HMCN1: variants seen among roughly 807,000 people sequenced by gnomAD.
The protein encoded by HMCN1 is hemicentin 1.
In HMCN1, 321 loss-of-function variants were observed where a neutral mutation model predicts 625.9. That is an observed-to-expected ratio of 0.51 (90% CI 0.47 to 0.56). HMCN1 has a LOEUF of 0.56. HMCN1 is among the 20% of genes least tolerant of loss of function. HMCN1 has a pLI of 0.00. For missense variants in HMCN1, 6,588 were observed against 6,887.3 expected (o/e 0.96, Z 1.54); for synonymous variants, 2,425 against 2,417.6 (o/e 1.00, Z -0.09).
chr1:185,980,568 A>G (rs560279993), intron 16 of HMCN1, among the ~76,000 whole-genome samples: 7 of 152,080 alleles, frequency 4.6e-5, no homozygotes, highest in African/African-American at 1.7e-4. Context: ...CAACTAAAAA[A>G]TCTCCCCTGC....
intron 22 of HMCN1, 52 bp from the exon 23 acceptor site, chr1:185,993,130 G>A (rs1652545774): frequency 6.4e-7 from 1 of 1,554,032 alleles, no homozygotes; most frequent in Non-Finnish European, 8.9e-7. Flanking sequence ...CTGCATAGGG[G>A]ATATTTAAAT....
chr1:186,165,319 A>G, intron 98 of HMCN1, 146 bp downstream of exon 98: 1 of 782,362 alleles, frequency 1.3e-6, no homozygotes, highest in Admixed American at 2.2e-5. Flanking sequence ...AAGGAAATTG[A>G]GATGTAGAAA....
intron 1 of HMCN1, among the ~76,000 whole-genome samples, chr1:185,764,250 T>A (rs1655715077): frequency 6.6e-6 from 1 of 152,214 alleles, no homozygotes; most frequent in African/African-American, 2.4e-5. Flanking sequence ...AGAAAAAAGA[T>A]GTGCATGTTG....
In HMCN1 at chr1:185,756,921, T is replaced by C. The variant is rs1311103212; in HGVS notation, c.268+21874T>C. Among the ~76,000 whole-genome samples the C allele has an allele frequency of 2.0e-5, 3 of 152,210 alleles. No homozygotes were observed. In the East Asian group the frequency reaches 5.8e-4, roughly 29 times the overall value. On this transcript the variant is annotated intron_variant, in intron 1 of 106. Coordinates refer to ENST00000271588, the MANE Select transcript of HMCN1 (RefSeq NM_031935.3). ...TCCACATGATAACCATGGCAGTCTT[T>C]TAAAAATTGCATCATCTGTAAATTA...
chr1:186,187,838 C>G, intron 105 of HMCN1, 45 bp from the exon 106 acceptor site: 2 of 1,612,858 alleles, frequency 1.2e-6, no homozygotes, highest in Non-Finnish European at 1.7e-6. Context: ...ATGGCCTTCT[C>G]TCACCCTCAC....
intron 1 of HMCN1, among the ~76,000 whole-genome samples, chr1:185,840,360 A>T (rs1043143719): frequency 2.0e-5 from 3 of 152,176 alleles, no homozygotes; most frequent in Admixed American, 1.3e-4. Context: ...AGGACATTAT[A>T]ATTGATTTGT....
chr1:185,932,787 C>T (rs1438038853), intron 10 of HMCN1, among the ~76,000 whole-genome samples: 5 of 152,002 alleles, frequency 3.3e-5, no homozygotes, highest in South Asian at 2.1e-4. Flanking sequence ...CCATGGCACA[C>T]GTATACCTAT....
chr1:185,916,139 A>G (rs1666688989), intron 6 of HMCN1, among the ~76,000 whole-genome samples: 1 of 152,038 alleles, frequency 6.6e-6, no homozygotes, highest in African/African-American at 2.4e-5. Flanking sequence ...ACATTTCTCC[A>G]AATGCATAAT....
At chr1:186,107,749 C>T (rs1660678769) in intron 70 of HMCN1, among the ~76,000 whole-genome samples, 1 of 151,832 alleles carries the variant, frequency 6.6e-6, no homozygotes, top group African/African-American at 2.4e-5. Context: ...TCTGTAAGTG[C>T]ACTTGCTTGG....
chr1:186,023,097 G>A lies in HMCN1; in HGVS notation c.5693G>A (p.Cys1898Tyr). 6.2e-7 allele frequency: 1 copy of A among 1,613,408 alleles called. No homozygotes were observed. The highest frequency in any genetic ancestry group is 1.3e-5 in the African/African-American group (1 of 75,002). The change falls in exon 36 of 107, where the codon TGT becomes TAT. Residue 1898 changes from cysteine to tyrosine, a missense_variant. Around this residue, in one of 3 missense-constraint regions of HMCN1, gnomAD observed 4,628 missense variants for 4,853.1 expected, o/e 0.95. Transcript: ENST00000271588. ...TTGGAAGATGCTGGCAGATACACAT[G>A]TGTGGCTACCAACGCAGCTGGAGAA... ...TLLEDAGRYT[C>Y]VATNAAGETQ... is the part of the protein sequence containing the mutation.
rs1658948470 is a variant in HMCN1 at position 186,078,234 on chromosome 1, T to C, written c.8599+14T>C. 2 of 1,544,618 alleles carry C rather than the reference T, an allele frequency of 1.3e-6. No individual in the cohort carries two copies. Among genetic ancestry groups the C allele is most frequent in the African/African-American group, 1.4e-5 (1 of 73,402 alleles). ...TCCGTGTACTCGGTGAGTTTTTCTT[T>C]TGTTTATTGTTCATTCTTTTACTGA... On this transcript the variant is annotated intron_variant, in intron 55 of 106. Coordinates refer to ENST00000271588, the MANE Select transcript of HMCN1 (RefSeq NM_031935.3).
At chr1:185,882,219 A>G (rs1353149312) in intron 4 of HMCN1, among the ~76,000 whole-genome samples, 1 of 152,190 alleles carries the variant, frequency 6.6e-6, no homozygotes, top group African/African-American at 2.4e-5. Context: ...TAGACTTTAC[A>G]GATACTCATT....
chr1:186,065,422 T>C lies in HMCN1; in HGVS notation c.7698T>C (p.Asn2566=), dbSNP rs947783270. 2 of 1,600,954 alleles carry C rather than the reference T, an allele frequency of 1.2e-6. No individual in the cohort carries two copies. The highest frequency in any genetic ancestry group is 2.2e-5 in the South Asian group (2 of 90,000). ...AGHKSRSFSL[N]VFVSPTIAGV... is the part of the protein sequence containing the mutation. ...ACAAGAGCAGGAGCTTCAGTCTTAA[T>C]GTATTTGGTAGGTGTGGGCTTTTCT... Residue 2566 remains asparagine (N), a synonymous_variant, in exon 49 of 107, where the codon AAT becomes AAC. Transcript: ENST00000271588.
intron 30 of HMCN1, among the ~76,000 whole-genome samples, chr1:186,010,632 T>C (rs1006116148): frequency 6.6e-6 from 1 of 152,226 alleles, no homozygotes; most frequent in Non-Finnish European, 1.5e-5. Context: ...TAGGCATTTA[T>C]AGATTAACAT....
In HMCN1 at chr1:186,166,946, T is replaced by C. The variant is rs766554940; in HGVS notation, c.15574+4T>C. On this transcript the variant is annotated splice_donor_region_variant and intron_variant, in intron 100 of 106. Transcript: ENST00000271588. Reference sequence around the variant, plus strand: ...TCTGATGGGCTGAGTTGTCAAGGTATAAAAATGGAGGCCTTTTCTTTATGT... The same window carrying C: ...TCTGATGGGCTGAGTTGTCAAGGTACAAAAATGGAGGCCTTTTCTTTATGT... The C allele has an allele frequency of 3.7e-6, 6 of 1,613,956 alleles. No homozygotes were observed. The highest frequency in any genetic ancestry group is 1.6e-4 in the Middle Eastern group (1 of 6,082).
At chr1:186,005,064 TTGTTTATAAA>T (rs1191426926) in intron 29 of HMCN1, among the ~76,000 whole-genome samples, 1 of 152,026 alleles carries the variant, frequency 6.6e-6, no homozygotes, top group African/African-American at 2.4e-5. Context: ...ATAAACATTT[TTGTTTATAAA>T]TGTTTATAAA....
chr1:186,137,933 G>A lies in HMCN1; in HGVS notation c.13885G>A (p.Ala4629Thr), dbSNP rs774423771. 4.8e-5 allele frequency: 77 copies of A among 1,613,910 alleles called. 1 individual carries two copies. Among genetic ancestry groups the A allele is most frequent in the Non-Finnish European group, 6.4e-5 (76 of 1,179,952 alleles). ...QHGGRPCEGNAVEIIMCNIRP... is the reference protein window; with the variant it reads ...QHGGRPCEGNTVEIIMCNIRP... ...TGGTGGGCGGCCATGTGAAGGGAAT[G>A]CTGTGGAAATAATTATGTGCAACAT... The change falls in exon 89 of 107, where the codon GCT becomes ACT. Residue 4629 changes from alanine to threonine, a missense_variant. By Grantham distance (58) the Ala-to-Thr change is moderately conservative (BLOSUM62 0). This residue lies in a region of HMCN1 where 1,954 missense variants were observed against 2,013.1 expected (regional missense o/e 0.97). Coordinates refer to ENST00000271588, the MANE Select transcript of HMCN1 (RefSeq NM_031935.3).
rs147958633 is a variant in HMCN1 at position 186,109,327 on chromosome 1, C to T, written c.10989+730C>T. 3.0e-3 allele frequency among the ~76,000 whole-genome samples: 452 copies of T among 152,278 alleles called. 12 individuals are homozygous for T. In the South Asian group the frequency reaches 0.042, roughly 14 times the overall value. ...AGACTACCACCACCACCAAACCACACAAACACCAAACATGGAGAGGCCAGG... is the reference window on the plus strand; with the variant it reads ...AGACTACCACCACCACCAAACCACATAAACACCAAACATGGAGAGGCCAGG... On this transcript the variant is annotated intron_variant, in intron 71 of 106. Transcript: ENST00000271588.
In HMCN1 at chr1:186,087,615, T is replaced by C. The variant is rs763500316; in HGVS notation, c.9333T>C (p.Asp3111=). 2 of 1,613,270 alleles carry C rather than the reference T, an allele frequency of 1.2e-6. No homozygotes were observed. Among genetic ancestry groups the C allele is most frequent in the Admixed American group, 3.3e-5 (2 of 59,936 alleles). Residue 3111 remains aspartate, a synonymous_variant, in exon 60 of 107, where the codon GAT becomes GAC. Coordinates refer to ENST00000271588, the MANE Select transcript of HMCN1 (RefSeq NM_031935.3). The stretch of plus-strand genomic sequence containing the variant: ...CTACTCATGTGGAGATTTTAGCTGA[T>C]GGACAAATGCTACACATTAAGAAAG... The part of the protein sequence containing the change: ...TESTHVEILA[D]GQMLHIKKAE...
Sources: allele counts gnomAD v4.1 joint callset (sites outside exome capture counted in the v4.1 genomes callset), GRCh38; gene constraint gnomAD v4.1.1; regional missense constraint gnomAD v4.1.1; transcripts MANE v1.5; gene names NCBI Gene and HGNC (gene_info 2026-07-23, HGNC 2026-07-21).